MRNIP: variants seen among roughly 807,000 people sequenced by gnomAD.
MRNIP encodes MRN complex-interacting protein.
MRNIP carries 30 observed loss-of-function variants against 29.8 expected under a neutral mutation model. The observed-to-expected ratio is 1.01, with a 90% confidence interval of 0.75 to 1.36. The LOEUF (loss-of-function observed/expected upper bound fraction) is 1.36, where lower values mean the gene tolerates loss of function less well. MRNIP is among the 40% of genes most tolerant of loss of function. MRNIP has a pLI of 0.00. For synonymous variants in MRNIP, 201 were observed against 164.1 expected (o/e 1.23, Z -1.72); for missense variants, 459 against 423.5 (o/e 1.08, Z -0.74).
chr5:179,841,834 G>A, intron 5 of MRNIP, 73 bp downstream of exon 5: 1 of 1,489,938 alleles, frequency 6.7e-7, no homozygotes, highest in Non-Finnish European at 9.2e-7. Flanking sequence ...CGCTCACAGT[G>A]GCTCACTGGT....
chr5:179,840,698 G>C, intron 6 of MRNIP, 174 bp downstream of exon 6: 1 of 622,426 alleles, frequency 1.6e-6, no homozygotes. Context: ...GGGAAAAGGG[G>C]GTACAGACCC....
chr5:179,843,251 C>T (rs543142143), intron 4 of MRNIP, among the ~76,000 whole-genome samples: 2 of 152,068 alleles, frequency 1.3e-5, no homozygotes, highest in East Asian at 1.9e-4. Context: ...CAGAGAGGGA[C>T]CCTGTCTCAA....
At chr5:179,851,546 G>A in intron 2 of MRNIP, 1 of 428,776 alleles carries the variant, frequency 2.3e-6, no homozygotes, top group Non-Finnish European at 4.8e-6. Flanking sequence ...CTTGGGGCTA[G>A]TTTTTCAAGG....
chr5:179,839,547 C>A (rs1758776833), intron 6 of MRNIP: 1 of 152,258 alleles, frequency 6.6e-6, no homozygotes, highest in South Asian at 2.1e-4. Context: ...TCTGGTCATT[C>A]TTCTAGGATT....
intron 3 of MRNIP, chr5:179,847,157 CTTACTTTTT>C (rs894015077): frequency 8.9e-6 from 1 of 111,904 alleles, no homozygotes; most frequent in African/African-American, 3.1e-5. Flanking sequence ...CTGAGAGTTA[CTTACTTTTT>C]TTTTTTTTTT....
chr5:179,851,067 A>G (rs776830949), intron 2 of MRNIP: 2 of 377,084 alleles, frequency 5.3e-6, no homozygotes, highest in Admixed American at 3.1e-5. Context: ...AGAAACGTCT[A>G]TTGTATTAAG....
intron 1 of MRNIP, among the ~76,000 whole-genome samples, chr5:179,858,115 A>G (rs755562746): frequency 3.9e-5 from 6 of 152,080 alleles, no homozygotes; most frequent in African/African-American, 7.2e-5. Context: ...AGATACGGTG[A>G]CTGCAGTGTT....
At chr5:179,854,520 T>G (rs1209302409) in intron 1 of MRNIP, among the ~76,000 whole-genome samples, 5 of 152,314 alleles carry the variant, frequency 3.3e-5, no homozygotes, top group African/African-American at 1.2e-4. Context: ...CACAGTGGCT[T>G]GAGCCTGTAG....
At chr5:179,847,783 G>A in intron 3 of MRNIP, 195 bp downstream of exon 3, 1 of 539,550 alleles carries the variant, frequency 1.9e-6, no homozygotes, top group South Asian at 2.1e-5. Flanking sequence ...GTGAAGCTCA[G>A]CCCCAGTATT....
At chr5:179,842,338 G>A (rs1389647513) in intron 4 of MRNIP, among the ~76,000 whole-genome samples, 1 of 151,900 alleles carries the variant, frequency 6.6e-6, no homozygotes, top group Non-Finnish European at 1.5e-5. Flanking sequence ...ACACAGAGAA[G>A]GCAGAGGTGC....
At chr5:179,853,264 T>G in intron 2 of MRNIP, 114 bp downstream of exon 2, 1 of 1,590,714 alleles carries the variant, frequency 6.3e-7, no homozygotes. Context: ...AGGAGCTCCG[T>G]GTCTGGGGAA....
In MRNIP at chr5:179,837,303, G is replaced by C. The variant is rs149508576; in HGVS notation, c.*88C>G. 7.3e-4 allele frequency: 1,165 copies of C among 1,601,906 alleles called. 4 individuals are homozygous for C. The Middle Eastern group carries it at 0.011, about 15-fold the overall frequency. ...ATTGACAGTAAGTTTATTGTTAATG[G>C]TTCTTACAGAGTATCTTTAAAAGTG... On this transcript the variant is annotated 3_prime_UTR_variant, in exon 7 of 7. Coordinates refer to ENST00000292586, the MANE Select transcript of MRNIP (RefSeq NM_016175.4).
intron 2 of MRNIP, among the ~76,000 whole-genome samples, chr5:179,852,117 T>C (rs1759396921): frequency 6.6e-6 from 1 of 151,742 alleles, no homozygotes; most frequent in African/African-American, 2.4e-5. Flanking sequence ...CCCGTCTCTA[T>C]TAAACATACA....
chr5:179,837,651 C>T lies in MRNIP; in HGVS notation c.772G>A (p.Gly258Ser). 8 of 1,614,206 alleles carry T rather than the reference C, an allele frequency of 5.0e-6. No homozygotes were observed. Among genetic ancestry groups the T allele is most frequent in the Non-Finnish European group, 6.8e-6 (8 of 1,180,044 alleles). The stretch of plus-strand genomic sequence containing the variant: ...GTCCCTTGCTTAGCCTGTGCTGGAC[C>T]AGCTGGCCTGGGGTCCCTCTGAAGA... The part of the protein sequence containing the change: ...RSLQRDPRPA[G>S]PAQAKQGTPR... The change falls in exon 7 of 7, where the codon GGT becomes AGT. Residue 258 changes from glycine to serine, a missense_variant. Coordinates refer to ENST00000292586, the MANE Select transcript of MRNIP (RefSeq NM_016175.4).
chr5:179,850,772 A>T (rs1014752377), intron 2 of MRNIP, among the ~76,000 whole-genome samples: 1 of 152,180 alleles, frequency 6.6e-6, no homozygotes, highest in Non-Finnish European at 1.5e-5. Context: ...CCCGAAAACT[A>T]GATGTCATTT....
intron 2 of MRNIP, among the ~76,000 whole-genome samples, chr5:179,852,675 A>T (rs1759419542): frequency 6.6e-6 from 1 of 152,250 alleles, no homozygotes; most frequent in South Asian, 2.1e-4. Flanking sequence ...GTTTAAGGTC[A>T]GAAAGAAAGC....
intron 6 of MRNIP, chr5:179,838,170 T>G: frequency 2.1e-6 from 1 of 484,218 alleles, no homozygotes; most frequent in Non-Finnish European, 3.7e-6. Flanking sequence ...AGAATCAGGT[T>G]ACCGGTGCCT....
rs34335237 is a variant in MRNIP at position 179,847,161 on chromosome 5, C to CTTTTTTT, written c.215+810_215+816dup. The CTTTTTTT allele has an allele frequency of 1.8e-4, 13 of 71,016 alleles. 4 individuals are homozygous for CTTTTTTT. The East Asian group carries it at 2.1e-3, about 11-fold the overall frequency. 4.4% of individuals were successfully genotyped at this position (71,016 alleles called of 1,614,324 possible). ...ATTTTTGACCTCTGAGAGTTACTTA[C>CTTTTTTT]TTTTTTTTTTTTTTTTTTTTTTTTT... On this transcript the variant is annotated intron_variant, in intron 3 of 6. Transcript: ENST00000292586.
chr5:179,856,674 C>T (rs925610520), intron 1 of MRNIP, among the ~76,000 whole-genome samples: 9 of 152,284 alleles, frequency 5.9e-5, no homozygotes, highest in Non-Finnish European at 1.5e-5. Flanking sequence ...GGTCTCGCTA[C>T]GTTGCCCAGG....
Sources: allele counts gnomAD v4.1 joint callset (sites outside exome capture counted in the v4.1 genomes callset), GRCh38; gene constraint gnomAD v4.1.1; transcripts MANE v1.5; gene names NCBI Gene and HGNC (gene_info 2026-07-23, HGNC 2026-07-21).